Variants in BRCA1 observed in about 807,000 individuals in gnomAD.
BRCA1 encodes the protein BRCA1 DNA repair associated, also known as breast cancer type 1 susceptibility protein.
In BRCA1, 140 loss-of-function variants were observed where a neutral mutation model predicts 173.7. The observed-to-expected ratio is 0.81, with a 90% CI of 0.70 to 0.93. The LOEUF (loss-of-function observed/expected upper bound fraction) is 0.93. Ranked by LOEUF, BRCA1 falls within the 40% of genes least tolerant of loss-of-function variation. The probability of loss-of-function intolerance (pLI) is 0.00; values close to 1 mark genes in which losing one functional copy is unlikely to be tolerated. For synonymous variants in BRCA1, 662 were observed against 756.0 expected, an observed-to-expected ratio of 0.88 and a Z score of 2.04; for missense variants, 1,983 against 2,172.5, an observed-to-expected ratio of 0.91 and a Z score of 1.73.
chr17:43,158,990 C>T (rs1361858951), intron 1 of BRCA1, among the ~76,000 whole-genome samples: 1 of 152,202 alleles, frequency 6.6e-6, no homozygotes, highest in Non-Finnish European at 1.5e-5. Flanking sequence ...AATCCCAGCA[C>T]TTTGAGAGGC....
chr17:43,126,408 CG>C (rs1567825371), upstream of BRCA1, among the ~76,000 whole-genome samples: 2 of 152,244 alleles, frequency 1.3e-5, no homozygotes. Context: ...GAGCTGGCAG[CG>C]GACGGTCTTT....
intron 21 of BRCA1, among the ~76,000 whole-genome samples, chr17:43,048,208 TCTC>T (rs1407617501): frequency 6.6e-6 from 1 of 151,862 alleles, no homozygotes; most frequent in East Asian, 1.9e-4. Context: ...TTTCTCTCTC[TCTC>T]TTTTTTTTTG....
At chr17:43,152,587 G>T (rs1407127553) in intron 1 of BRCA1, among the ~76,000 whole-genome samples, 1 of 152,136 alleles carries the variant, frequency 6.6e-6, no homozygotes, top group Non-Finnish European at 1.5e-5. Flanking sequence ...GGGCGTGGTG[G>T]CTCACACCTG....
chr17:43,074,195 A>C (rs2052577908), intron 14 of BRCA1, 136 bp downstream of exon 14: 2 of 766,614 alleles, frequency 2.6e-6, no homozygotes, highest in Non-Finnish European at 4.2e-6. Flanking sequence ...TATTTTTCTA[A>C]AGTGGGCTTA....
rs2052193720 is a variant in BRCA1 at position 43,067,704 on chromosome 17, A to G, written c.4987-9T>C. 1 of 1,601,930 alleles carries G rather than the reference A, an allele frequency of 6.2e-7. No individual in the cohort carries two copies. Among genetic ancestry groups the G allele is most frequent in the Non-Finnish European group, 8.6e-7 (1 of 1,169,002 alleles). ...AACTTGTACACGAGCATCTGAAATT[A>G]AATCAAATATTCCATTATCATGAGT... On this transcript the variant is annotated splice_polypyrimidine_tract_variant and intron_variant, in intron 15 of 22. Coordinates refer to ENST00000357654, the MANE Select transcript of BRCA1 (RefSeq NM_007294.4).
chr17:43,119,169 T>A, intron 2 of BRCA1: 1 of 214,046 alleles, frequency 4.7e-6, no homozygotes, highest in Non-Finnish European at 9.4e-6. Flanking sequence ...TTTAACTTTT[T>A]AGAAAAGGAT....
At chr17:43,136,222 G>T (rs2056022034) in intron 1 of BRCA1, among the ~76,000 whole-genome samples, 1 of 152,182 alleles carries the variant, frequency 6.6e-6, no homozygotes, top group Admixed American at 6.5e-5. Context: ...TGGGAAAACT[G>T]GCTAGCCATA....
intron 14 of BRCA1, among the ~76,000 whole-genome samples, chr17:43,072,816 G>A (rs111499627): frequency 1.3e-5 from 2 of 151,390 alleles, no homozygotes; most frequent in Non-Finnish European, 2.9e-5. Context: ...TGCCCGCCTC[G>A]GCCTCCCAAA....
intron 1 of BRCA1, chr17:43,142,632 G>A (rs1039110970): frequency 7.2e-5 from 11 of 152,208 alleles, no homozygotes; most frequent in African/African-American, 1.9e-4. Flanking sequence ...GGATTGCTGG[G>A]CTAAATCATA....
rs748228826 is a variant in BRCA1 at position 43,091,394 on chromosome 17, A to G, written c.4096+41T>C. ...AAGCATAAACATTTAGCTCACTTCTATAAATAGACTGGGGCAAACACAAAA... is the reference window on the plus strand; with the variant it reads ...AAGCATAAACATTTAGCTCACTTCTGTAAATAGACTGGGGCAAACACAAAA... On this transcript the variant is annotated intron_variant, in intron 10 of 22. Coordinates refer to ENST00000357654, the MANE Select transcript of BRCA1 (RefSeq NM_007294.4). 5 of 1,610,682 alleles carry G rather than the reference A, an allele frequency of 3.1e-6. No individual in the cohort carries two copies. Among genetic ancestry groups the G allele is most frequent in the Non-Finnish European group, 8.5e-7 (1 of 1,176,934 alleles).
In BRCA1 at chr17:43,092,393, T is replaced by C. The variant is rs1567792762; in HGVS notation, c.3138A>G (p.Glu1046=). Residue 1046 remains glutamate, a synonymous_variant, in exon 10 of 23, where the codon GAA becomes GAG. Transcript: ENST00000357654. ...CCACTTCATTAGTACTGGAACCTAC[T>C]TCATTAATATTGCTTGAGCTGGCTT... ...FKEASSSNIN[E]VGSSTNEVGS... 1 of 1,613,896 alleles carries C rather than the reference T, an allele frequency of 6.2e-7. No individual in the cohort carries two copies. Among genetic ancestry groups the C allele is most frequent in the East Asian group, 2.2e-5 (1 of 44,868 alleles).
chr17:43,092,449 G>T lies in BRCA1; in HGVS notation c.3082C>A (p.Arg1028Ser), dbSNP rs80357049. 1 of 1,613,736 alleles carries T rather than the reference G, an allele frequency of 6.2e-7. No homozygotes were observed. The highest frequency in any genetic ancestry group is 1.3e-5 in the African/African-American group (1 of 74,956). The change falls in exon 10 of 23, where the codon CGT becomes AGT. Residue 1028 changes from arginine to serine, a missense_variant. Physicochemically the swap from Arg to Ser is moderately radical, Grantham distance 110. Coordinates refer to ENST00000357654, the MANE Select transcript of BRCA1 (RefSeq NM_007294.4). ...NIPSTVSTIS[R>S]NNIRENVFKE... ...AAAACATTTTCTCTAATGTTATTAC[G>T]GCTAATTGTGCTCACTGTACTTGGA...
intron 1 of BRCA1, chr17:43,131,208 G>A: frequency 3.6e-6 from 1 of 274,526 alleles, no homozygotes; most frequent in Non-Finnish European, 8.4e-6. Context: ...TCTTTTGTAG[G>A]TAAAAGTTTC....
chr17:43,100,035 C>A (rs1370373112), intron 6 of BRCA1, among the ~76,000 whole-genome samples, 155 bp from the exon 7 acceptor site: 1 of 152,174 alleles, frequency 6.6e-6, no homozygotes, highest in African/African-American at 2.4e-5. Context: ...AATTTACACA[C>A]TAAAATGTCT....
At chr17:43,074,307 C>T (rs1326960724) in intron 14 of BRCA1, 24 bp downstream of exon 14, 5 of 1,612,926 alleles carry the variant, frequency 3.1e-6, no homozygotes, top group Non-Finnish European at 4.2e-6. Flanking sequence ...AGTGTTTGTT[C>T]CAATACAGCA....
At chr17:43,071,271 A>G (rs1258487831) in intron 14 of BRCA1, 33 bp from the exon 15 acceptor site, 1 of 1,600,448 alleles carries the variant, frequency 6.2e-7, no homozygotes, top group Admixed American at 1.7e-5. Context: ...AATTTACACA[A>G]CGATGAATGT....
chr17:43,169,724 T>C (rs2056308037), intron 1 of BRCA1, among the ~76,000 whole-genome samples: 1 of 151,678 alleles, frequency 6.6e-6, no homozygotes, highest in Non-Finnish European at 1.5e-5. Flanking sequence ...GAGCATCCCT[T>C]GGGCCCCTGT....
intron 15 of BRCA1, among the ~76,000 whole-genome samples, chr17:43,068,513 C>T (rs1208444165): frequency 2.0e-5 from 3 of 148,646 alleles, no homozygotes; most frequent in Non-Finnish European, 4.5e-5. Flanking sequence ...GAGTCTGAGA[C>T]CAAGACCAGC....
intron 6 of BRCA1, among the ~76,000 whole-genome samples, chr17:43,102,213 G>A (rs1167887622): frequency 6.6e-6 from 1 of 151,958 alleles, no homozygotes; most frequent in Non-Finnish European, 1.5e-5. Flanking sequence ...TGGGACTACA[G>A]GAGTCCGCCA....
Sources: gnomAD v4.1 joint callset for allele counts (sites outside exome capture counted in the v4.1 genomes callset) on GRCh38, gnomAD v4.1.1 for gene constraint, MANE v1.5 for transcripts, NCBI Gene and HGNC (gene_info 2026-07-23, HGNC 2026-07-21) for gene names.